The following TUBGCP2 variants were observed in gnomAD, a reference collection of about 807,000 sequenced individuals.
TUBGCP2 encodes tubulin gamma complex component 2.
In TUBGCP2, 55 loss-of-function variants were observed where a neutral mutation model predicts 92.2. The ratio of observed to expected loss-of-function variants is 0.60; its 90% confidence interval spans 0.48 to 0.75. The LOEUF (loss-of-function observed/expected upper bound fraction) is 0.75, where lower values mean the gene tolerates loss of function less well. TUBGCP2 is among the 30% of genes least tolerant of loss of function. TUBGCP2 has a pLI of 0.00. For missense variants in TUBGCP2, 1,093 were observed against 1,188.9 expected (o/e 0.92, Z 1.19); for synonymous variants, 533 against 505.2 (o/e 1.06, Z -0.74).
At position 133,299,992 on chromosome 10, in the gene TUBGCP2, T is replaced by C; in HGVS notation, c.272A>G (p.Asp91Gly). ...CGTGGCATGGGCACCTACCTCTTTG[T>C]CTTCCGTGAGCTTTGACAACAGGTA... is the stretch of plus-strand genomic sequence containing the variant. The part of the protein sequence containing the change: ...LVYLLSKLTE[D>G]KETLQYLQQN... Residue 91 changes from aspartate to glycine, a missense_variant, in exon 3 of 18, where the codon GAC becomes GGC. Coordinates refer to ENST00000252936, the MANE Select transcript of TUBGCP2 (RefSeq NM_006659.4). 1 of 1,614,014 alleles carries C rather than the reference T, an allele frequency of 6.2e-7. No individual in the cohort carries two copies.
At chr10:133,308,360 G>A (rs1847878583) in intron 1 of TUBGCP2, 1 of 152,270 alleles carries the variant, frequency 6.6e-6, no homozygotes, top group Non-Finnish European at 1.5e-5. Flanking sequence ...AACCAGGAAA[G>A]GGCCTTTGAA....
At chr10:133,309,176 T>C (rs534153244), upstream of TUBGCP2, 2 of 1,306,344 alleles carry the variant, frequency 1.5e-6, no homozygotes, top group African/African-American at 1.7e-5. Context: ...GAGCCTGGAG[T>C]GGGAGGGGCC....
intron 13 of TUBGCP2, among the ~76,000 whole-genome samples, chr10:133,284,573 C>T (rs772407240): frequency 2.0e-5 from 3 of 152,130 alleles, no homozygotes; most frequent in Admixed American, 6.5e-5. Flanking sequence ...ATTGTCCAGG[C>T]GGGTCTCGAA....
intron 7 of TUBGCP2, 129 bp from the exon 8 acceptor site, chr10:133,292,817 T>C (rs1847391881): frequency 8.1e-7 from 1 of 1,232,856 alleles, no homozygotes; most frequent in Non-Finnish European, 1.1e-6. Context: ...TTGGGATACG[T>C]ATTAACTGTA....
chr10:133,300,088 G>A lies in TUBGCP2; in HGVS notation c.176C>T (p.Thr59Ile). ...ATATTTCTTTAGAAAGTCTTCTGGA[G>A]TACGAGAAAACTCTGCAATTTTAAC... Reference protein sequence around the residue: ...AKVKIAEFSRTPEDFLKKYDE... With the variant: ...AKVKIAEFSRIPEDFLKKYDE... The change falls in exon 3 of 18, where the codon ACT becomes ATT. Residue 59 changes from threonine (T) to isoleucine (I), a missense_variant. This residue lies in a region of TUBGCP2 where 490 missense variants were observed against 488.5 expected (regional missense o/e 1.00). Coordinates refer to ENST00000252936, the MANE Select transcript of TUBGCP2 (RefSeq NM_006659.4). 1.2e-6 allele frequency: 2 copies of A among 1,613,944 alleles called. No individual in the cohort carries two copies. The highest frequency in any genetic ancestry group is 1.1e-5 in the South Asian group (1 of 91,064).
Position 133,293,034 on chromosome 10 carries a change from C to T in TUBGCP2, c.1024+5G>A, listed in dbSNP as rs772955395. 1.2e-5 allele frequency: 20 copies of T among 1,612,130 alleles called. No homozygotes were observed. The highest frequency in any genetic ancestry group is 5.5e-5 in the South Asian group (5 of 91,026). On this transcript the variant is annotated splice_donor_5th_base_variant and intron_variant, in intron 7 of 17. Transcript: ENST00000252936. ...CTGCCCCATGCCCCCCGGGCGGGCA[C>T]GCACCGAGGGAGGCCAGGATGTCCA...
Position 133,285,625 on chromosome 10 carries a change from C to A in TUBGCP2, c.1726G>T (p.Asp576Tyr). The A allele has an allele frequency of 1.3e-6, 2 of 1,509,672 alleles. No homozygotes were observed. Among genetic ancestry groups the A allele is most frequent in the South Asian group, 1.4e-5 (1 of 73,300 alleles). 93.5% of individuals were successfully genotyped at this position (1,509,672 alleles called of 1,614,324 possible). Residue 576 changes from aspartate (D) to tyrosine (Y), a missense_variant, in exon 12 of 18, where the codon GAC becomes TAC. Physicochemically the swap from Asp to Tyr is radical, Grantham distance 160. This residue lies in a region of TUBGCP2 where 598 missense variants were observed against 675.5 expected (regional missense o/e 0.89). Coordinates refer to ENST00000252936, the MANE Select transcript of TUBGCP2 (RefSeq NM_006659.4). The surrounding 1 kb of genome is among the most constrained non-coding windows in gnomAD (Gnocchi z 6.8). ...TDPFKDDLKI[D>Y]LMPHDLITQL... ...GTGATGAGGTCATGGGGCATCAGGT[C>A]GATCTTGGAGGGAAGGAAATGAAAC... is the stretch of plus-strand genomic sequence containing the variant.
chr10:133,283,736 T>G (rs1430880605), intron 14 of TUBGCP2, 146 bp downstream of exon 14: 4 of 1,130,784 alleles, frequency 3.5e-6, no homozygotes, highest in Non-Finnish European at 5.0e-6. Context: ...ACTCCCTGCC[T>G]CTCCTGCACT....
At chr10:133,309,751 C>T (rs1027006961), upstream of TUBGCP2, 20 of 1,611,430 alleles carry the variant, frequency 1.2e-5, no homozygotes, top group African/African-American at 2.3e-4. Context: ...GGAGGAAGGG[C>T]TCCTGAAGCA....
At chr10:133,296,461 C>T (rs1045357929) in intron 5 of TUBGCP2, among the ~76,000 whole-genome samples, 3 of 151,236 alleles carry the variant, frequency 2.0e-5, no homozygotes, top group African/African-American at 7.3e-5. Context: ...ACTGAAAACA[C>T]TGCACAAAGC....
chr10:133,299,007 A>T (rs1235804393), intron 4 of TUBGCP2, among the ~76,000 whole-genome samples: 1 of 152,282 alleles, frequency 6.6e-6, no homozygotes, highest in Non-Finnish European at 1.5e-5. Context: ...AAGAGCAAGT[A>T]GCAAATACAG....
chr10:133,307,399 C>T (rs950813416), intron 1 of TUBGCP2, among the ~76,000 whole-genome samples: 8 of 152,172 alleles, frequency 5.3e-5, no homozygotes, highest in Admixed American at 3.9e-4. Flanking sequence ...CACAGAGGGA[C>T]GTGAAAAAGA....
chr10:133,296,174 T>A (rs1847483693), intron 5 of TUBGCP2, among the ~76,000 whole-genome samples: 1 of 152,318 alleles, frequency 6.6e-6, no homozygotes, highest in Middle Eastern at 3.4e-3. Flanking sequence ...GCAGCGTTAC[T>A]GGACAGTGCG....
Position 133,297,925 on chromosome 10 carries a change from G to A in TUBGCP2, c.616+27C>T, listed in dbSNP as rs369783532. The A allele has an allele frequency of 5.9e-5, 94 of 1,606,184 alleles. No individual in the cohort carries two copies. In the African/African-American group the frequency reaches 9.9e-4, roughly 17 times the overall value. Reference sequence around the variant, plus strand: ...TCAACGCATCACGTACCTATCGGCAGAGCCCGGAAATCAACGCATCACGTA... The same window carrying A: ...TCAACGCATCACGTACCTATCGGCAAAGCCCGGAAATCAACGCATCACGTA... On this transcript the variant is annotated intron_variant, in intron 5 of 17. Coordinates refer to ENST00000252936, the MANE Select transcript of TUBGCP2 (RefSeq NM_006659.4).
At chr10:133,311,829 T>C, upstream of TUBGCP2, 1 of 1,613,368 alleles carries the variant, frequency 6.2e-7, no homozygotes, top group Non-Finnish European at 8.5e-7. Context: ...GAGAGGCGGA[T>C]CTACAGACAT....
rs1156532092 is a variant in TUBGCP2, at chr10:133,285,898, C to T, written c.1723-270G>A. 2.6e-5 allele frequency among the ~76,000 whole-genome samples: 4 copies of T among 152,092 alleles called. No individual in the cohort carries two copies. Among genetic ancestry groups the T allele is most frequent in the African/African-American group, 9.7e-5 (4 of 41,424 alleles). ...TGCTGTGGGTGGTATAAGGGAAAAACCGCTAAGGACGGTGAAAGAAACGTG... is the reference window on the plus strand; with the variant it reads ...TGCTGTGGGTGGTATAAGGGAAAAATCGCTAAGGACGGTGAAAGAAACGTG... On this transcript the variant is annotated intron_variant, in intron 11 of 17. Coordinates refer to ENST00000252936, the MANE Select transcript of TUBGCP2 (RefSeq NM_006659.4). The surrounding 1 kb of genome is among the most constrained non-coding windows in gnomAD (Gnocchi z 6.8).
upstream of TUBGCP2, chr10:133,310,069 G>A (rs1163245906): frequency 3.8e-5 from 61 of 1,609,218 alleles, no homozygotes; most frequent in Non-Finnish European, 4.7e-5. Context: ...GGGCAAGGCC[G>A]GGGACACCTT....
intron 11 of TUBGCP2, among the ~76,000 whole-genome samples, chr10:133,287,865 C>A (rs960934232): frequency 2.6e-5 from 4 of 152,200 alleles, no homozygotes; most frequent in African/African-American, 9.6e-5. Context: ...CACGTGAAAA[C>A]AATTCCACAA....
intron 5 of TUBGCP2, among the ~76,000 whole-genome samples, 189 bp from the exon 6 acceptor site, chr10:133,293,958 G>A (rs537117350): frequency 9.8e-5 from 15 of 152,368 alleles, no homozygotes; most frequent in African/African-American, 2.4e-4. Context: ...GCCGCAGGAC[G>A]GGGCCGGCCT....
Sources: gnomAD v4.1 joint callset for allele counts (sites outside exome capture counted in the v4.1 genomes callset) on GRCh38, gnomAD v4.1.1 for gene constraint, gnomAD v4.1.1 regional missense constraint, Gnocchi (gnomAD v3.1) non-coding constraint, MANE v1.5 for transcripts, NCBI Gene and HGNC (gene_info 2026-07-23, HGNC 2026-07-21) for gene names.